MGAM: variants seen among roughly 807,000 people sequenced by gnomAD.
MGAM encodes maltase-glucoamylase.
In MGAM, 253 loss-of-function variants were observed where a neutral mutation model predicts 358.8. The observed-to-expected ratio is 0.71, with a 90% CI of 0.64 to 0.78. MGAM has a LOEUF of 0.78. Among genes scored for constraint, MGAM ranks in the 30% least tolerant of loss-of-function variants. The probability of loss-of-function intolerance (pLI) is 0.00; values close to 1 mark genes in which losing one functional copy is unlikely to be tolerated. For synonymous variants in MGAM, 1,105 were observed against 1,227.1 expected (o/e 0.90, Z 2.08); for missense variants, 3,080 against 3,432.6 (o/e 0.90, Z 2.57).
intron 53 of MGAM, 92 bp from the exon 54 acceptor site, chr7:142,084,427 T>C: frequency 1.5e-6 from 2 of 1,377,076 alleles, no homozygotes; most frequent in Non-Finnish European, 2.0e-6. Flanking sequence ...GTTGTCTAGC[T>C]TGGGGCACAG....
intron 44 of MGAM, among the ~76,000 whole-genome samples, chr7:142,073,554 T>C (rs1428260252): frequency 6.8e-6 from 1 of 146,562 alleles, no homozygotes; most frequent in Non-Finnish European, 1.5e-5. Context: ...CTAAAGTAGA[T>C]CATTAGAATG....
rs1807397569 is a variant in MGAM, at chr7:142,030,647, G to A, written c.1360G>A (p.Ala454Thr). ...GQKLVIIVDPAISNNSSSSKP... is the reference protein window; with the variant it reads ...GQKLVIIVDPTISNNSSSSKP... Reference sequence around the variant, plus strand: ...GTATTCTTCCTATTTTTAGGATCCAGCCATCTCCAACAACTCTTCCTCAAG... The same window carrying A: ...GTATTCTTCCTATTTTTAGGATCCAACCATCTCCAACAACTCTTCCTCAAG... Residue 454 changes from alanine (A) to threonine (T), a missense_variant, in exon 12 of 71, where the codon GCC becomes ACC. Ala to Thr is a moderately conservative substitution (Grantham distance 58). Coordinates refer to ENST00000475668, the MANE Select transcript of MGAM (RefSeq NM_001365693.1). The A allele has an allele frequency of 6.2e-7, 1 of 1,611,460 alleles. No homozygotes were observed. Among genetic ancestry groups the A allele is most frequent in the African/African-American group, 1.3e-5 (1 of 74,836 alleles).
intron 4 of MGAM, 44 bp from the exon 5 acceptor site, chr7:142,020,930 T>C: frequency 7.6e-7 from 1 of 1,318,868 alleles, no homozygotes; most frequent in Non-Finnish European, 1.1e-6. Context: ...TATTTGAGAA[T>C]TTGCAGAGTC....
chr7:142,014,604 C>G (rs189334923), intron 3 of MGAM, among the ~76,000 whole-genome samples: 2 of 152,122 alleles, frequency 1.3e-5, no homozygotes, highest in Admixed American at 1.3e-4. Context: ...GTATTATTAC[C>G]TTTTCCTCCA....
intron 21 of MGAM, among the ~76,000 whole-genome samples, chr7:142,044,525 C>T (rs1417448666): frequency 2.0e-4 from 25 of 122,836 alleles, no homozygotes; most frequent in African/African-American, 5.6e-4. Context: ...GTATATTATA[C>T]ACTTACGATA....
chr7:142,004,838 C>G (rs1216524908), intron 1 of MGAM, among the ~76,000 whole-genome samples: 1 of 152,020 alleles, frequency 6.6e-6, no homozygotes, highest in East Asian at 1.9e-4. Context: ...TGGTTATTTT[C>G]AGAATGAAGA....
intron 1 of MGAM, among the ~76,000 whole-genome samples, chr7:141,997,638 G>A (rs1356613551): frequency 6.6e-6 from 1 of 152,148 alleles, no homozygotes; most frequent in African/African-American, 2.4e-5. Context: ...GGAGGAGTTA[G>A]CTGTCTCCTA....
chr7:142,083,743 G>A (rs56959207), intron 53 of MGAM, among the ~76,000 whole-genome samples: 3,774 of 142,392 alleles, frequency 0.027, 260 homozygotes, highest in African/African-American at 0.09. Flanking sequence ...TGTGGGAATG[G>A]TGATAATGAT....
At chr7:142,047,764 C>A in intron 21 of MGAM, 21 bp from the exon 22 acceptor site, 1 of 1,598,770 alleles carries the variant, frequency 6.3e-7, no homozygotes, top group Admixed American at 1.7e-5. Flanking sequence ...GTCTTTGTGT[C>A]TTGAATCTTG....
intron 21 of MGAM, among the ~76,000 whole-genome samples, chr7:142,044,780 G>A (rs1191424029): frequency 1.2e-5 from 1 of 82,106 alleles, no homozygotes; most frequent in African/African-American, 5.3e-5. Flanking sequence ...TTATATACAC[G>A]TGTAATATAT....
chr7:141,991,102 G>T (rs1005159269), upstream of MGAM, among the ~76,000 whole-genome samples: 3 of 152,192 alleles, frequency 2.0e-5, no homozygotes, highest in South Asian at 2.1e-4. Flanking sequence ...AGTCGCCTTT[G>T]TGCCTCAGGT....
intron 13 of MGAM, 143 bp downstream of exon 13, chr7:142,031,936 A>G (rs765609524): frequency 1.8e-6 from 1 of 542,650 alleles, no homozygotes; most frequent in East Asian, 3.0e-5. Context: ...TCACTCTCTT[A>G]CTATTTAAAT....
Position 142,062,265 on chromosome 7 carries a change from C to T in MGAM, c.4123-303C>T, listed in dbSNP as rs117019242. Among the ~76,000 whole-genome samples, 1,044 of 152,252 alleles carry T rather than the reference C, an allele frequency of 6.9e-3. 28 individuals carry two copies. In the South Asian group the frequency reaches 0.077, roughly 11 times the overall value. On this transcript the variant is annotated intron_variant, in intron 34 of 70. Transcript: ENST00000475668. ...AGTGCATAGGAAATGGCAGGACTGA[C>T]GTTGAGGGTTGGGCATCGAGTGCAT...
intron 2 of MGAM, among the ~76,000 whole-genome samples, chr7:141,987,628 C>G (rs1803772026): frequency 1.3e-5 from 2 of 151,994 alleles, no homozygotes; most frequent in South Asian, 4.1e-4. Flanking sequence ...ATGGGGGTTT[C>G]TAGAACAAGA....
intron 59 of MGAM, 40 bp downstream of exon 59, chr7:142,092,648 T>A: frequency 6.8e-7 from 1 of 1,473,188 alleles, no homozygotes; most frequent in African/African-American, 1.4e-5. Context: ...GAGCCATGAT[T>A]GAAAGAAGGA....
intron 52 of MGAM, among the ~76,000 whole-genome samples, chr7:142,083,038 T>C (rs1466532802): frequency 6.9e-6 from 1 of 145,970 alleles, no homozygotes; most frequent in Non-Finnish European, 1.6e-5. Context: ...TACCTCCTTA[T>C]CCAAAATAAA....
chr7:142,103,357 G>A lies in MGAM; in HGVS notation c.8102G>A (p.Gly2701Asp), dbSNP rs754889220. ...GGCTACATTGAAATCTGGGGAGTGG[G>A]CAGTGTCCCCGTTACCAGTGTCAGC... Reference protein sequence around the residue: ...KLGYIEIWGVGSVPVTSVSIS... With the variant: ...KLGYIEIWGVDSVPVTSVSIS... Residue 2701 changes from glycine to aspartate, a missense_variant, in exon 70 of 71, where the codon GGC becomes GAC. By Grantham distance (94) the Gly-to-Asp change is moderately conservative. Coordinates refer to ENST00000475668, the MANE Select transcript of MGAM (RefSeq NM_001365693.1). 4 of 1,613,066 alleles carry A rather than the reference G, an allele frequency of 2.5e-6. No homozygotes were observed. Among genetic ancestry groups the A allele is most frequent in the Non-Finnish European group, 2.5e-6 (3 of 1,179,458 alleles).
chr7:142,093,875 A>G (rs1422166236), intron 60 of MGAM, among the ~76,000 whole-genome samples: 2 of 145,724 alleles, frequency 1.4e-5, no homozygotes, highest in Non-Finnish European at 3.1e-5. Context: ...GGTGAAGGGA[A>G]CACAGAGGAC....
intron 54 of MGAM, among the ~76,000 whole-genome samples, 151 bp downstream of exon 54, chr7:142,084,795 G>T (rs1300371972): frequency 1.4e-5 from 2 of 146,308 alleles, no homozygotes; most frequent in African/African-American, 4.9e-5. Context: ...CACAGTAATA[G>T]AGGTAAGGGC....
Sources: gnomAD v4.1 joint callset for allele counts (sites outside exome capture counted in the v4.1 genomes callset) on GRCh38, gnomAD v4.1.1 for gene constraint, MANE v1.5 for transcripts, NCBI Gene and HGNC (gene_info 2026-07-23, HGNC 2026-07-21) for gene names.